FILIP1L: variants seen among roughly 807,000 people sequenced by gnomAD.
The protein encoded by FILIP1L is filamin A interacting protein 1 like, also known as filamin A-interacting protein 1-like.
Under a neutral mutation model 96.6 loss-of-function variants are expected in FILIP1L, and 55 were observed. That is an observed-to-expected ratio of 0.57 (90% CI 0.46 to 0.71). The LOEUF is 0.71. Among genes scored for constraint, FILIP1L ranks in the 30% least tolerant of loss-of-function variants. FILIP1L has a pLI of 0.00. For synonymous variants in FILIP1L, 467 were observed against 473.9 expected, an observed-to-expected ratio of 0.99 and a Z score of 0.19; for missense variants, 1,304 against 1,321.2, an observed-to-expected ratio of 0.99 and a Z score of 0.20.
intron 3 of FILIP1L, among the ~76,000 whole-genome samples, chr3:99,927,431 G>A (rs575196331): frequency 2.7e-3 from 411 of 151,150 alleles, no homozygotes; most frequent in Non-Finnish European, 4.4e-3. Flanking sequence ...GTGCAATGGC[G>A]TGATCTCAGC....
intron 1 of FILIP1L, among the ~76,000 whole-genome samples, chr3:100,047,819 A>G (rs1412603872): frequency 6.6e-6 from 1 of 152,042 alleles, no homozygotes; most frequent in Non-Finnish European, 1.5e-5. Flanking sequence ...TGCTCTCCCC[A>G]GAAGGCATTT....
At chr3:99,906,105 G>T (rs1486961290) in intron 4 of FILIP1L, among the ~76,000 whole-genome samples, 1 of 152,076 alleles carries the variant, frequency 6.6e-6, no homozygotes, top group African/African-American at 2.4e-5. Flanking sequence ...GAGGTGGGAG[G>T]ATCGCTTGAG....
At chr3:99,952,892 T>C (rs905974202) in intron 1 of FILIP1L, among the ~76,000 whole-genome samples, 1 of 152,148 alleles carries the variant, frequency 6.6e-6, no homozygotes, top group Non-Finnish European at 1.5e-5. Flanking sequence ...AAAAGAATGC[T>C]ATAGAGGTAT....
At chr3:100,027,133 A>G (rs1321861179) in intron 1 of FILIP1L, among the ~76,000 whole-genome samples, 4 of 152,080 alleles carry the variant, frequency 2.6e-5, no homozygotes, top group Non-Finnish European at 5.9e-5. Flanking sequence ...ACTTACACAC[A>G]TGAATACACA....
Position 99,849,139 on chromosome 3 carries a change from G to T in FILIP1L, c.2537C>A (p.Ser846Tyr). Reference protein sequence around the residue: ...EDPNDEGSVLSFKCSQSTPCP... With the variant: ...EDPNDEGSVLYFKCSQSTPCP... ...TGGAGTAGACTGGCTGCATTTGAAG[G>T]ACAGCACAGATCCCTCATCATTAGG... Residue 846 changes from serine (S) to tyrosine (Y), a missense_variant, in exon 5 of 6, where the codon TCC (serine) becomes TAC (tyrosine). Coordinates refer to ENST00000477258, the MANE Select transcript of FILIP1L (RefSeq NM_001387850.1). 1 of 1,614,132 alleles carries T rather than the reference G, an allele frequency of 6.2e-7. No homozygotes were observed. Among genetic ancestry groups the T allele is most frequent in the Non-Finnish European group, 8.5e-7 (1 of 1,180,016 alleles).
chr3:99,881,746 T>C lies in FILIP1L; in HGVS notation c.606-30676A>G, dbSNP rs990825106. Among the ~76,000 whole-genome samples, 9 of 152,340 alleles carry C rather than the reference T, an allele frequency of 5.9e-5. No homozygotes were observed. In the East Asian group the frequency reaches 1.7e-3, roughly 29 times the overall value. ...CGGGGTTTCACCATGTTGGCCAGGCTGGTCTCGAACTCCTGACTTCAGGTG... is the reference window on the plus strand; with the variant it reads ...CGGGGTTTCACCATGTTGGCCAGGCCGGTCTCGAACTCCTGACTTCAGGTG... On this transcript the variant is annotated intron_variant, in intron 4 of 5. Transcript: ENST00000477258.
Position 99,850,460 on chromosome 3 carries a change from C to T in FILIP1L, c.1216G>A (p.Glu406Lys). The T allele has an allele frequency of 6.2e-7, 1 of 1,613,990 alleles. No individual in the cohort carries two copies. Among genetic ancestry groups the T allele is most frequent in the Non-Finnish European group, 8.5e-7 (1 of 1,180,010 alleles). Residue 406 changes from glutamate to lysine, a missense_variant, in exon 5 of 6, where the codon GAG becomes AAG. Transcript: ENST00000477258. ...TTAAAGTCTTTACTCTGTAACGTCT[C>T]CCTTTCAAGCCTCTTATTGAGATCT... is the stretch of plus-strand genomic sequence containing the variant. ...CRDLNKRLER[E>K]TLQSKDFKLE...
chr3:99,885,467 G>T (rs927449285), intron 4 of FILIP1L, among the ~76,000 whole-genome samples: 1 of 152,000 alleles, frequency 6.6e-6, no homozygotes, highest in African/African-American at 2.4e-5. Flanking sequence ...TTTTATTGTC[G>T]TGCCCTTTTT....
rs529757761 is a variant in FILIP1L, at chr3:99,948,335, T to TG, written c.-10-17306_-10-17305insC. On this transcript the variant is annotated intron_variant, in intron 1 of 5. Coordinates refer to ENST00000477258, the MANE Select transcript of FILIP1L (RefSeq NM_001387850.1). Reference sequence around the variant, plus strand: ...TAGTGAGACTGTCTCTCCAAAAAAATAAAAAAATTAAAAAATTTTTTAAAA... The same window carrying TG: ...TAGTGAGACTGTCTCTCCAAAAAAATGAAAAAAATTAAAAAATTTTTTAAAA... 5.8e-3 allele frequency among the ~76,000 whole-genome samples: 878 copies of TG among 151,256 alleles called. 6 individuals carry two copies. Among genetic ancestry groups the TG allele is most frequent in the Non-Finnish European group, 9.9e-3 (671 of 67,768 alleles).
intron 1 of FILIP1L, among the ~76,000 whole-genome samples, chr3:99,981,572 A>G (rs1363008446): frequency 1.3e-5 from 2 of 152,188 alleles, no homozygotes; most frequent in African/African-American, 4.8e-5. Flanking sequence ...ATATACCTAT[A>G]TACTAAATAT....
intron 1 of FILIP1L, among the ~76,000 whole-genome samples, chr3:100,025,894 G>A (rs1286097382): frequency 6.6e-6 from 1 of 152,162 alleles, no homozygotes; most frequent in Non-Finnish European, 1.5e-5. Flanking sequence ...CTTAGAGCCA[G>A]TTTGCCTTGG....
intron 1 of FILIP1L, among the ~76,000 whole-genome samples, chr3:100,069,927 T>C (rs928177501): frequency 3.3e-5 from 5 of 152,200 alleles, no homozygotes; most frequent in Admixed American, 2.0e-4. Flanking sequence ...GAAAATCTGG[T>C]TTGATAGGGT....
chr3:99,962,637 A>G (rs911896584), intron 1 of FILIP1L, among the ~76,000 whole-genome samples: 2 of 152,206 alleles, frequency 1.3e-5, no homozygotes, highest in African/African-American at 4.8e-5. Context: ...AACAACAACA[A>G]CAGCAACAAA....
At chr3:100,035,592 T>C (rs2065094322) in intron 1 of FILIP1L, among the ~76,000 whole-genome samples, 1 of 152,156 alleles carries the variant, frequency 6.6e-6, no homozygotes, top group Non-Finnish European at 1.5e-5. Flanking sequence ...TTTAATGCCC[T>C]CTGGTTCCCA....
intron 1 of FILIP1L, among the ~76,000 whole-genome samples, chr3:100,086,630 G>T (rs532915014): frequency 4.3e-4 from 66 of 152,316 alleles, no homozygotes; most frequent in African/African-American, 1.5e-3. Flanking sequence ...AATCATTGCA[G>T]CAATTTAGTG....
intron 1 of FILIP1L, among the ~76,000 whole-genome samples, chr3:100,091,284 CAAAAA>C (rs570908389): frequency 1.7e-5 from 1 of 59,098 alleles, no homozygotes. Flanking sequence ...GACTCCGTCT[CAAAAA>C]AAAAAAAAAA....
At chr3:100,112,840 A>G (rs1032652729) in intron 1 of FILIP1L, among the ~76,000 whole-genome samples, 6 of 152,258 alleles carry the variant, frequency 3.9e-5, no homozygotes, top group African/African-American at 1.4e-4. Flanking sequence ...AATTAAGCAT[A>G]ATGAGAGTTT....
intron 4 of FILIP1L, among the ~76,000 whole-genome samples, chr3:99,874,646 C>T (rs965647139): frequency 3.3e-5 from 5 of 152,142 alleles, no homozygotes; most frequent in Admixed American, 6.5e-5. Flanking sequence ...AACAAAAAAA[C>T]TGCTATGAGG....
At chr3:100,087,879 G>A (rs1415050887) in intron 1 of FILIP1L, among the ~76,000 whole-genome samples, 3 of 143,874 alleles carry the variant, frequency 2.1e-5, no homozygotes, top group Non-Finnish European at 3.0e-5. Flanking sequence ...CACCCAGGCT[G>A]GAGTGCAGTG....
Sources: allele counts gnomAD v4.1 joint callset (sites outside exome capture counted in the v4.1 genomes callset), GRCh38; gene constraint gnomAD v4.1.1; transcripts MANE v1.5; gene names NCBI Gene and HGNC (gene_info 2026-07-23, HGNC 2026-07-21).